Variants in CACNA1A observed in about 807,000 individuals in gnomAD.
The protein encoded by CACNA1A is calcium voltage-gated channel subunit alpha1 A.
In CACNA1A, 57 loss-of-function variants were observed where a neutral mutation model predicts 262.4. That is an observed-to-expected ratio of 0.22 (90% CI 0.18 to 0.27). The LOEUF (loss-of-function observed/expected upper bound fraction) is 0.27. CACNA1A is among the 10% of genes least tolerant of loss of function. The pLI is 1.00. For missense variants in CACNA1A, 2,526 were observed against 3,562.8 expected (o/e 0.71, Z 7.41); for synonymous variants, 1,431 against 1,419.3 (o/e 1.01, Z -0.18).
intron 21 of CACNA1A, 127 bp from the exon 22 acceptor site, chr19:13,283,523 A>C: frequency 1.6e-6 from 2 of 1,220,482 alleles, no homozygotes; most frequent in South Asian, 1.5e-5. Context: ...TACACAACAA[A>C]CTATTAAACT....
chr19:13,499,063 AG>A (rs1189165586), intron 1 of CACNA1A, among the ~76,000 whole-genome samples: 2 of 151,994 alleles, frequency 1.3e-5, no homozygotes, highest in Admixed American at 6.6e-5. Flanking sequence ...TTGGAAGGGG[AG>A]GGGGGTACCT....
intron 19 of CACNA1A, among the ~76,000 whole-genome samples, chr19:13,290,057 T>C (rs1360476171): frequency 1.3e-5 from 2 of 151,436 alleles, no homozygotes; most frequent in Non-Finnish European, 2.9e-5. Flanking sequence ...GCCTCCAGAG[T>C]AGCTGGGACT....
chr19:13,440,767 A>G (rs993977656), intron 3 of CACNA1A, among the ~76,000 whole-genome samples: 4 of 152,098 alleles, frequency 2.6e-5, no homozygotes, highest in African/African-American at 9.7e-5. Context: ...AACTCATTGA[A>G]CCTTGAAAAC....
In CACNA1A at chr19:13,448,962, TTTTTA is replaced by T. The variant is rs528669303; in HGVS notation, c.539+3909_539+3913del. Among the ~76,000 whole-genome samples the T allele has an allele frequency of 5.6e-3, 854 of 152,168 alleles. 6 individuals are homozygous for T. Among genetic ancestry groups the T allele is most frequent in the African/African-American group, 0.019 (779 of 41,530 alleles). ...TTTCTTTCTCTTTTCTTTTTTTTAT[TTTTTA>T]TTTTATTTTATTTTTTTGAGACAAG... On this transcript the variant is annotated intron_variant, in intron 3 of 46. Transcript: ENST00000360228.
chr19:13,279,890 C>A (rs544318716), intron 22 of CACNA1A, among the ~76,000 whole-genome samples: 1 of 152,002 alleles, frequency 6.6e-6, no homozygotes, highest in South Asian at 2.1e-4. Context: ...CTCACTGCAA[C>A]CTCCACCTCC....
chr19:13,309,070 G>A (rs532819056), intron 12 of CACNA1A, among the ~76,000 whole-genome samples: 8 of 151,994 alleles, frequency 5.3e-5, no homozygotes, highest in East Asian at 3.9e-4. Context: ...GTGCAGTGGC[G>A]CGATCTCAGC....
intron 6 of CACNA1A, among the ~76,000 whole-genome samples, chr19:13,352,522 C>A (rs1401466989): frequency 6.6e-6 from 1 of 152,006 alleles, no homozygotes; most frequent in Non-Finnish European, 1.5e-5. Flanking sequence ...GGTACAGTGT[C>A]CTCCAGTTTT....
chr19:13,364,197 A>T (rs1012176104), intron 5 of CACNA1A: 2 of 152,298 alleles, frequency 1.3e-5, no homozygotes, highest in African/African-American at 4.8e-5. Flanking sequence ...CAGGACTCCC[A>T]ATTGGGGTAT....
chr19:13,208,095 C>A (rs1262240013), intron 46 of CACNA1A, 42 bp from the exon 47 acceptor site: 3 of 1,082,416 alleles, frequency 2.8e-6, no homozygotes, highest in South Asian at 3.7e-5. Context: ...AAAAAAGATA[C>A]AACAAAATCA....
chr19:13,321,318 G>C (rs1039149012), intron 10 of CACNA1A, among the ~76,000 whole-genome samples: 3 of 152,152 alleles, frequency 2.0e-5, no homozygotes, highest in African/African-American at 7.2e-5. Context: ...ACAGGCATGA[G>C]ATACTGGGCG....
In CACNA1A at chr19:13,359,639, T is replaced by A; in HGVS notation, c.945A>T (p.Ile315=). ...GGAGATCAGTCCACCCTTCCATGGT[T>A]ATGCACTGGAAAACAGTCAGCACTG... ...LFAVLTVFQC[I]TMEGWTDLLY... The change falls in exon 6 of 47, where the codon ATA becomes ATT. Residue 315 remains isoleucine, a synonymous_variant. Coordinates refer to ENST00000360228, the MANE Select transcript of CACNA1A (RefSeq NM_001127222.2). The A allele has an allele frequency of 6.2e-7, 1 of 1,611,706 alleles. No homozygotes were observed. Among genetic ancestry groups the A allele is most frequent in the South Asian group, 1.1e-5 (1 of 90,368 alleles).
chr19:13,492,190 G>A (rs1410786007), intron 1 of CACNA1A, among the ~76,000 whole-genome samples: 1 of 152,134 alleles, frequency 6.6e-6, no homozygotes, highest in African/African-American at 2.4e-5. Context: ...CCCACACAGA[G>A]CCATGACATG....
intron 3 of CACNA1A, among the ~76,000 whole-genome samples, chr19:13,404,416 G>C (rs1244814394): frequency 6.6e-6 from 1 of 152,142 alleles, no homozygotes; most frequent in Non-Finnish European, 1.5e-5. Flanking sequence ...CTAATTTTAA[G>C]GACAAGCCTC....
intron 10 of CACNA1A, among the ~76,000 whole-genome samples, chr19:13,329,783 C>CTTTTT (rs148916478): frequency 0.039 from 5,416 of 138,974 alleles, 381 homozygotes; most frequent in African/African-American, 0.14. Context: ...CAGTTTGTGT[C>CTTTTT]TTTTTTTTTT....
At chr19:13,442,730 G>T (rs1308336287) in intron 3 of CACNA1A, among the ~76,000 whole-genome samples, 1 of 152,136 alleles carries the variant, frequency 6.6e-6, no homozygotes, top group Non-Finnish European at 1.5e-5. Flanking sequence ...TGAAGTCCAG[G>T]TCTTAACCAT....
chr19:13,375,439 C>T (rs1041063152), intron 3 of CACNA1A, among the ~76,000 whole-genome samples: 2 of 152,024 alleles, frequency 1.3e-5, no homozygotes, highest in Admixed American at 1.3e-4. Context: ...TTGCACGTCT[C>T]TCACTTTAAA....
intron 28 of CACNA1A, 87 bp downstream of exon 28, chr19:13,257,263 T>C (rs1213703628): frequency 9.0e-7 from 1 of 1,115,386 alleles, no homozygotes; most frequent in East Asian, 2.4e-5. Flanking sequence ...CAGGTACCCC[T>C]AGAAAGGGGT....
chr19:13,414,119 G>A (rs936454087), intron 3 of CACNA1A, among the ~76,000 whole-genome samples: 1 of 151,884 alleles, frequency 6.6e-6, no homozygotes, highest in African/African-American at 2.4e-5. Context: ...AGCTACTCAG[G>A]AGGCTGAAGT....
At chr19:13,456,469 G>C (rs141751784) in intron 1 of CACNA1A, among the ~76,000 whole-genome samples, 1 of 151,982 alleles carries the variant, frequency 6.6e-6, no homozygotes, top group Non-Finnish European at 1.5e-5. Context: ...TCAGGAGATC[G>C]AGACCATCCT....
Sources: allele counts gnomAD v4.1 joint callset (sites outside exome capture counted in the v4.1 genomes callset), GRCh38; gene constraint gnomAD v4.1.1; transcripts MANE v1.5; gene names NCBI Gene and HGNC (gene_info 2026-07-23, HGNC 2026-07-21).